The following IQSEC1 variants were observed in gnomAD, a reference collection of about 807,000 sequenced individuals.
IQSEC1 encodes IQ motif and Sec7 domain ArfGEF 1, also known as IQ motif and SEC7 domain-containing protein 1.
In IQSEC1, 31 loss-of-function variants were observed where a neutral mutation model predicts 91.0. The observed-to-expected ratio is 0.34, with a 90% CI of 0.26 to 0.46. IQSEC1 has a LOEUF of 0.46. Ranked by LOEUF, IQSEC1 falls within the 20% of genes least tolerant of loss-of-function variation. The pLI is 1.00. For missense variants in IQSEC1, 1,388 were observed against 1,575.6 expected (o/e 0.88, Z 2.02); for synonymous variants, 699 against 662.6 (o/e 1.05, Z -0.84).
intron 2 of IQSEC1, among the ~76,000 whole-genome samples, chr3:13,124,948 T>C (rs1030369029): frequency 1.3e-5 from 2 of 152,154 alleles, no homozygotes; most frequent in East Asian, 1.9e-4. Flanking sequence ...CTGGCCACCG[T>C]CATGTTTGGC....
chr3:12,991,158 G>A (rs1274278972), intron 1 of IQSEC1, among the ~76,000 whole-genome samples: 1 of 152,132 alleles, frequency 6.6e-6, no homozygotes. Context: ...GCTTTGCATC[G>A]CCCTTCTGTT....
At chr3:12,982,610 GTGTT>G (rs575282421) in intron 1 of IQSEC1, among the ~76,000 whole-genome samples, 82 of 152,374 alleles carry the variant, frequency 5.4e-4, no homozygotes, top group Non-Finnish European at 8.8e-4. Flanking sequence ...GCCCCCGTGG[GTGTT>G]TAAGTCTAAG....
intron 1 of IQSEC1, among the ~76,000 whole-genome samples, chr3:13,016,396 G>T (rs1478705181): frequency 1.3e-5 from 2 of 152,104 alleles, no homozygotes; most frequent in African/African-American, 4.8e-5. Flanking sequence ...TGCCCCCAAC[G>T]CCCCACCACT....
intron 1 of IQSEC1, among the ~76,000 whole-genome samples, chr3:13,051,725 C>T (rs1248212867): frequency 2.0e-5 from 3 of 152,198 alleles, no homozygotes. Context: ...TGGTCATCCC[C>T]TTTCTTGCAC....
chr3:13,105,682 C>T (rs1355384724), intron 2 of IQSEC1, among the ~76,000 whole-genome samples: 1 of 152,162 alleles, frequency 6.6e-6, no homozygotes, highest in South Asian at 2.1e-4. Flanking sequence ...CCTCCTCTAG[C>T]CTCAGCAGGG....
At chr3:13,130,359 A>AAAGAAAG (rs1553567655) in intron 2 of IQSEC1, among the ~76,000 whole-genome samples, 4 of 148,376 alleles carry the variant, frequency 2.7e-5, no homozygotes, top group African/African-American at 1.0e-4. Flanking sequence ...AAAAAAAAAA[A>AAAGAAAG]AAAGAAAGAA....
chr3:13,124,867 A>T (rs946576562), intron 2 of IQSEC1, among the ~76,000 whole-genome samples: 5 of 152,148 alleles, frequency 3.3e-5, no homozygotes, highest in African/African-American at 9.7e-5. Flanking sequence ...GCAGTCGTTC[A>T]GCATTATGGT....
chr3:13,237,616 C>A (rs1193912574), intron 1 of IQSEC1, among the ~76,000 whole-genome samples: 1 of 152,168 alleles, frequency 6.6e-6, no homozygotes, highest in Non-Finnish European at 1.5e-5. Flanking sequence ...AAAGCTGCTC[C>A]AAGGCTGCAA....
chr3:13,206,935 C>T (rs377633667), intron 1 of IQSEC1, among the ~76,000 whole-genome samples: 5 of 152,068 alleles, frequency 3.3e-5, no homozygotes, highest in African/African-American at 7.3e-5. Context: ...AGGTGGGCCC[C>T]GAAGCAGCCT....
chr3:13,013,597 C>T (rs1702986577), intron 1 of IQSEC1, among the ~76,000 whole-genome samples: 1 of 152,188 alleles, frequency 6.6e-6, no homozygotes, highest in Non-Finnish European at 1.5e-5. Flanking sequence ...ACCGCTTACC[C>T]CTCCTTGCGC....
chr3:12,927,744 C>T (rs1435500572), intron 3 of IQSEC1, among the ~76,000 whole-genome samples: 1 of 152,222 alleles, frequency 6.6e-6, no homozygotes, highest in Non-Finnish European at 1.5e-5. Flanking sequence ...TGAACACTGG[C>T]TGGGAGTAGG....
At chr3:13,175,626 G>C (rs1693711639) in intron 1 of IQSEC1, among the ~76,000 whole-genome samples, 1 of 152,230 alleles carries the variant, frequency 6.6e-6, no homozygotes, top group African/African-American at 2.4e-5. Context: ...CAATCCATCT[G>C]GGTTGCTATA....
intron 3 of IQSEC1, among the ~76,000 whole-genome samples, chr3:12,929,689 G>A (rs1697495111): frequency 1.3e-5 from 2 of 152,204 alleles, no homozygotes; most frequent in South Asian, 2.1e-4. Context: ...GTGTATACCC[G>A]TTACTCTTTC....
At chr3:13,173,454 G>C (rs956266903) in intron 1 of IQSEC1, among the ~76,000 whole-genome samples, 2 of 152,208 alleles carry the variant, frequency 1.3e-5, no homozygotes, top group Non-Finnish European at 2.9e-5. Flanking sequence ...TTTGGGGACC[G>C]GCCCAGAGCA....
upstream of IQSEC1, among the ~76,000 whole-genome samples, chr3:13,078,049 G>A (rs1705590638): frequency 1.3e-5 from 2 of 152,344 alleles, no homozygotes; most frequent in African/African-American, 4.8e-5. Context: ...GCGGATGAGT[G>A]AGGGAGCTGT....
chr3:13,081,770 A>G (rs1576241341), intron 2 of IQSEC1, among the ~76,000 whole-genome samples: 1 of 152,220 alleles, frequency 6.6e-6, no homozygotes, highest in East Asian at 1.9e-4. Context: ...GCTGGCTCCG[A>G]CACCGCCTGG....
chr3:13,079,956 G>A (rs1652413366), intron 2 of IQSEC1, among the ~76,000 whole-genome samples: 1 of 152,242 alleles, frequency 6.6e-6, no homozygotes, highest in Non-Finnish European at 1.5e-5. Context: ...TTTCCTGGAG[G>A]ACAAGATGTT....
At chr3:13,247,304 C>A (rs1175012503) in intron 1 of IQSEC1, among the ~76,000 whole-genome samples, 2 of 152,238 alleles carry the variant, frequency 1.3e-5, no homozygotes, top group Admixed American at 1.3e-4. Flanking sequence ...TGCTGCCATT[C>A]TGTTCCCATC....
intron 1 of IQSEC1, chr3:12,995,035 G>A (rs1196318317): frequency 6.6e-6 from 1 of 152,270 alleles, no homozygotes; most frequent in East Asian, 1.9e-4. Context: ...TGCCCCGGAA[G>A]CCCTGAACGC....
Sources: gnomAD v4.1 joint callset for allele counts (sites outside exome capture counted in the v4.1 genomes callset) on GRCh38, gnomAD v4.1.1 for gene constraint, MANE v1.5 for transcripts, NCBI Gene and HGNC (gene_info 2026-07-23, HGNC 2026-07-21) for gene names.